The following HHAT variants were observed in gnomAD, a reference collection of about 807,000 sequenced individuals.
HHAT encodes protein-cysteine N-palmitoyltransferase HHAT.
Under a neutral mutation model 70.8 loss-of-function variants are expected in HHAT, and 47 were observed. The ratio of observed to expected loss-of-function variants is 0.66; its 90% CI spans 0.53 to 0.85. The LOEUF is 0.85. Ranked by LOEUF, HHAT falls within the 40% of genes least tolerant of loss-of-function variation. HHAT has a pLI of 0.00. For missense variants in HHAT, 609 were observed against 604.8 expected, an observed-to-expected ratio of 1.01 and a Z score of -0.07; for synonymous variants, 228 against 247.6, an observed-to-expected ratio of 0.92 and a Z score of 0.74.
intron 6 of HHAT, among the ~76,000 whole-genome samples, chr1:210,407,467 A>T (rs953584726): frequency 2.6e-5 from 4 of 152,176 alleles, no homozygotes; most frequent in African/African-American, 9.7e-5. Context: ...GTATCTGCAA[A>T]CTCCAAAAGA....
chr1:210,503,743 C>A (rs144401994), intron 8 of HHAT, among the ~76,000 whole-genome samples: 1 of 152,286 alleles, frequency 6.6e-6, no homozygotes, highest in African/African-American at 2.4e-5. Flanking sequence ...CCATTTCCCC[C>A]ACTCAATGAA....
At chr1:210,639,628 GAC>G (rs1331745008) in intron 11 of HHAT, among the ~76,000 whole-genome samples, 1 of 152,224 alleles carries the variant, frequency 6.6e-6, no homozygotes, top group Admixed American at 6.5e-5. Flanking sequence ...AAATGTGCAT[GAC>G]ACTCACTCTT....
rs146392247 is a variant in HHAT at position 210,602,505 on chromosome 1, G to A, written c.1245+14406G>A. ...CGTGCGCTACCTGAAGTCAGGCATGGGCATTCTGTATCCAGGTCACGAGGC... is the reference window on the plus strand; with the variant it reads ...CGTGCGCTACCTGAAGTCAGGCATGAGCATTCTGTATCCAGGTCACGAGGC... On this transcript the variant is annotated intron_variant, in intron 10 of 11. Coordinates refer to ENST00000261458, the MANE Select transcript of HHAT (RefSeq NM_018194.6). Among the ~76,000 whole-genome samples the A allele has an allele frequency of 4.7e-3, 710 of 152,224 alleles. 7 individuals carry two copies. The highest frequency in any genetic ancestry group is 0.016 in the African/African-American group (678 of 41,536).
At chr1:210,470,735 C>T (rs1391939898) in intron 8 of HHAT, among the ~76,000 whole-genome samples, 1 of 152,136 alleles carries the variant, frequency 6.6e-6, no homozygotes, top group Non-Finnish European at 1.5e-5. Context: ...CAGACATTTT[C>T]AGATGGAAGA....
At chr1:210,491,013 T>G (rs1418301211) in intron 8 of HHAT, among the ~76,000 whole-genome samples, 10 of 152,036 alleles carry the variant, frequency 6.6e-5, no homozygotes, top group Admixed American at 6.5e-4. Flanking sequence ...TGCAGCCATC[T>G]CACATAAACT....
intron 11 of HHAT, among the ~76,000 whole-genome samples, chr1:210,637,395 G>C (rs949720419): frequency 6.6e-6 from 1 of 152,024 alleles, no homozygotes; most frequent in African/African-American, 2.4e-5. Flanking sequence ...AGTAACAGAA[G>C]AAAAAATAGA....
chr1:210,653,516 C>T (rs184713961), intron 11 of HHAT, among the ~76,000 whole-genome samples: 2,448 of 139,250 alleles, frequency 0.018, 28 homozygotes, highest in Non-Finnish European at 0.026. Context: ...GGTGACAGAG[C>T]GAGACCCTGT....
chr1:210,430,278 A>G (rs765089049), intron 7 of HHAT, among the ~76,000 whole-genome samples: 2 of 151,742 alleles, frequency 1.3e-5, no homozygotes, highest in African/African-American at 2.4e-5. Context: ...TTAGCCCTGT[A>G]TTGGAATCAG....
chr1:210,444,436 T>C (rs2093592387), intron 7 of HHAT, among the ~76,000 whole-genome samples: 1 of 141,708 alleles, frequency 7.1e-6, no homozygotes, highest in Non-Finnish European at 1.6e-5. Flanking sequence ...AGTTCCTCCT[T>C]GTACCTCTGG....
intron 1 of HHAT, among the ~76,000 whole-genome samples, chr1:210,333,655 C>G (rs1452352198): frequency 6.6e-6 from 1 of 150,590 alleles, no homozygotes; most frequent in African/African-American, 2.5e-5. Flanking sequence ...GCTTTTACTA[C>G]TATGATTTTT....
At chr1:210,475,840 T>C (rs2148472305) in intron 8 of HHAT, among the ~76,000 whole-genome samples, 1 of 151,700 alleles carries the variant, frequency 6.6e-6, no homozygotes, top group African/African-American at 2.4e-5. Context: ...GAGGGATTGC[T>C]GAGAACAAAA....
intron 10 of HHAT, among the ~76,000 whole-genome samples, chr1:210,596,698 G>T (rs1558241096): frequency 6.6e-6 from 1 of 152,042 alleles, no homozygotes; most frequent in Non-Finnish European, 1.5e-5. Flanking sequence ...AAATTTATCT[G>T]ATAGTAGTTT....
rs967141075 is a variant in HHAT at position 210,464,540 on chromosome 1, G to A, written c.892G>A (p.Val298Met). ...GTTAGCCCAGGTGCTCTTTTTCTAC[G>A]TGAAGTACTTGGTGCTCTTTGGCGT... ...LALAQVLFFY[V>M]KYLVLFGVPA... The change falls in exon 8 of 12, where the codon GTG (valine) becomes ATG (methionine). Residue 298 changes from valine to methionine, a missense_variant. By Grantham distance (21) the Val-to-Met change is conservative. Coordinates refer to ENST00000261458, the MANE Select transcript of HHAT (RefSeq NM_018194.6). 2.0e-5 allele frequency: 33 copies of A among 1,614,018 alleles called. No individual in the cohort carries two copies. Among genetic ancestry groups the A allele is most frequent in the Non-Finnish European group, 2.7e-5 (32 of 1,180,032 alleles).
At chr1:210,432,514 G>A (rs999734041) in intron 7 of HHAT, among the ~76,000 whole-genome samples, 16 of 151,958 alleles carry the variant, frequency 1.1e-4, no homozygotes, top group Non-Finnish European at 8.8e-5. Context: ...TGTTCATTTT[G>A]GGGGACTAAA....
intron 8 of HHAT, among the ~76,000 whole-genome samples, chr1:210,502,393 A>AAAAG: frequency 6.6e-6 from 1 of 151,428 alleles, no homozygotes; most frequent in East Asian, 1.9e-4. Flanking sequence ...CAAAAAAAAA[A>AAAAG]AAAAAAAAAT....
chr1:210,602,827 G>A (rs74855193), intron 10 of HHAT, among the ~76,000 whole-genome samples: 1,842 of 152,180 alleles, frequency 0.012, 9 homozygotes, highest in Middle Eastern at 0.024. Context: ...AGGATCATTA[G>A]CAATGCAGGA....
chr1:210,381,271 TA>T (rs200179624), intron 3 of HHAT, among the ~76,000 whole-genome samples: 4 of 152,094 alleles, frequency 2.6e-5, no homozygotes, highest in African/African-American at 7.2e-5. Flanking sequence ...GTGGGTCATT[TA>T]AAAAAATTTT....
intron 7 of HHAT, among the ~76,000 whole-genome samples, chr1:210,450,033 C>T (rs141066952): frequency 6.6e-6 from 1 of 151,990 alleles, no homozygotes; most frequent in African/African-American, 2.4e-5. Flanking sequence ...GGTGGCTCAC[C>T]CCTGTTATCC....
At chr1:210,638,722 CAAAAA>C (rs71146238) in intron 11 of HHAT, among the ~76,000 whole-genome samples, 411 of 95,286 alleles carry the variant, frequency 4.3e-3, no homozygotes, top group East Asian at 0.015. Context: ...CCTGTATTTA[CAAAAA>C]AAAAAAAAAA....
Sources: allele counts gnomAD v4.1 joint callset (sites outside exome capture counted in the v4.1 genomes callset), GRCh38; gene constraint gnomAD v4.1.1; transcripts MANE v1.5; gene names NCBI Gene and HGNC (gene_info 2026-07-23, HGNC 2026-07-21).